The following EHBP1 variants were observed in gnomAD, a reference collection of about 807,000 sequenced individuals.
EHBP1 encodes the protein EH domain-binding protein 1.
In EHBP1, 55 loss-of-function variants were observed where a neutral mutation model predicts 144.0. The ratio of observed to expected loss-of-function variants is 0.38; its 90% CI spans 0.31 to 0.48. The LOEUF is 0.48. Ranked by LOEUF, EHBP1 falls within the 20% of genes least tolerant of loss-of-function variation. The pLI, the probability that EHBP1 is intolerant of heterozygous loss-of-function variation, is 0.98. For missense variants in EHBP1, 1,200 were observed against 1,364.2 expected, an observed-to-expected ratio of 0.88 and a Z score of 1.90; for synonymous variants, 469 against 472.7, an observed-to-expected ratio of 0.99 and a Z score of 0.10.
At chr2:62,811,196 C>T (rs1348512052) in intron 5 of EHBP1, among the ~76,000 whole-genome samples, 2 of 152,142 alleles carry the variant, frequency 1.3e-5, no homozygotes, top group Admixed American at 1.3e-4. Context: ...AACTCTCTTC[C>T]ATCCGACCAT....
chr2:62,727,301 T>C (rs2036914881), intron 2 of EHBP1, among the ~76,000 whole-genome samples: 1 of 152,208 alleles, frequency 6.6e-6, no homozygotes, highest in Non-Finnish European at 1.5e-5. Context: ...TTTTTTTTTT[T>C]TTAAACAGAT....
chr2:62,714,009 ACACATGACTCAAAATATGC>A (rs1378572484), intron 2 of EHBP1, among the ~76,000 whole-genome samples: 8 of 152,186 alleles, frequency 5.3e-5, no homozygotes, highest in African/African-American at 1.9e-4. Context: ...GATTATGTCT[ACACATGACTCAAAATATGC>A]CTCTAGATCA....
At chr2:62,973,133 G>T (rs999032828) in intron 14 of EHBP1, among the ~76,000 whole-genome samples, 2 of 152,118 alleles carry the variant, frequency 1.3e-5, no homozygotes, top group Non-Finnish European at 2.9e-5. Flanking sequence ...GGAGTATTAT[G>T]GGGGGTAGAG....
chr2:63,040,372 A>G (rs1303130690), intron 21 of EHBP1, among the ~76,000 whole-genome samples: 1 of 152,090 alleles, frequency 6.6e-6, no homozygotes, highest in African/African-American at 2.4e-5. Context: ...CCCCAAAACC[A>G]ATGTTATAAC....
chr2:62,917,115 G>A (rs990169714), intron 10 of EHBP1, among the ~76,000 whole-genome samples: 5 of 152,106 alleles, frequency 3.3e-5, no homozygotes, highest in Non-Finnish European at 7.3e-5. Context: ...ATATGATATG[G>A]CCTATTGCTG....
At chr2:62,684,536 A>G (rs1015915553) in intron 1 of EHBP1, among the ~76,000 whole-genome samples, 3 of 152,212 alleles carry the variant, frequency 2.0e-5, no homozygotes, top group Non-Finnish European at 4.4e-5. Flanking sequence ...GAGTTTTAGG[A>G]GCCATGGATT....
intron 5 of EHBP1, among the ~76,000 whole-genome samples, chr2:62,802,356 A>G (rs2044064321): frequency 6.6e-6 from 1 of 151,986 alleles, no homozygotes. Flanking sequence ...GCAGCTAAAC[A>G]CTCTATGATG....
At chr2:62,999,818 G>A (rs1373964651) in intron 19 of EHBP1, among the ~76,000 whole-genome samples, 1 of 151,938 alleles carries the variant, frequency 6.6e-6, no homozygotes, top group Non-Finnish European at 1.5e-5. Context: ...TTTCTTTTGG[G>A]TATATACCGA....
At chr2:62,826,066 T>C in intron 5 of EHBP1, 21 bp from the exon 6 acceptor site, 1 of 1,434,796 alleles carries the variant, frequency 7.0e-7, no homozygotes, top group South Asian at 1.7e-5. Flanking sequence ...TTACATACTT[T>C]TTTTTTCTTT....
At position 62,707,309 on chromosome 2, in the gene EHBP1, G is replaced by A. The variant is rs777166168; in HGVS notation, c.104+14G>A. On this transcript the variant is annotated intron_variant, in intron 2 of 22. Transcript: ENST00000431489. ...TACGAAGAAATGGTAAGATGTACCT[G>A]GAGGTAGATTTTGCTGTGCTGTGGC... 8.1e-6 allele frequency: 13 copies of A among 1,596,644 alleles called. No individual in the cohort carries two copies. In the Admixed American group the frequency reaches 2.2e-4, roughly 27 times the overall value.
chr2:62,858,314 C>G (rs557625289), intron 7 of EHBP1: 1 of 754,060 alleles, frequency 1.3e-6, no homozygotes, highest in African/African-American at 1.7e-5. Flanking sequence ...CCAAACATCT[C>G]CTCTTTGTCT....
At chr2:63,016,068 T>G (rs2060472802) in intron 19 of EHBP1, among the ~76,000 whole-genome samples, 2 of 152,100 alleles carry the variant, frequency 1.3e-5, no homozygotes, top group Non-Finnish European at 2.9e-5. Context: ...CTACTAAAAT[T>G]TATAGAGTAC....
At chr2:63,020,880 G>A (rs771239009) in intron 19 of EHBP1, among the ~76,000 whole-genome samples, 12 of 150,554 alleles carry the variant, frequency 8.0e-5, no homozygotes, top group Non-Finnish European at 1.6e-4. Context: ...GTTTCACCAT[G>A]TTGGCCAGGA....
chr2:62,941,124 TAGAA>T (rs754708100), intron 10 of EHBP1, among the ~76,000 whole-genome samples: 182 of 152,280 alleles, frequency 1.2e-3, no homozygotes, highest in Middle Eastern at 0.01. Context: ...ATTTAAATGA[TAGAA>T]AGTCTAAGAA....
In EHBP1 at chr2:62,925,364, GAAAA is replaced by G. The variant is rs767177649; in HGVS notation, c.1186-17346_1186-17343del. ...AGTTCTAAGGAGAGCAATTAGGCAA[GAAAA>G]AAAAAAAGGCATCCAAATTGGAAAC... is the stretch of plus-strand genomic sequence containing the variant. On this transcript the variant is annotated intron_variant, in intron 10 of 22. Coordinates refer to ENST00000431489, the MANE Select transcript of EHBP1 (RefSeq NM_001142616.3). Among the ~76,000 whole-genome samples the G allele has an allele frequency of 2.2e-5, 3 of 138,660 alleles. No homozygotes were observed. In the East Asian group the frequency reaches 6.2e-4, roughly 29 times the overall value. 91.0% of individuals were successfully genotyped at this position (138,660 alleles called of 152,430 possible). A position where few individuals can be genotyped will look rare whatever the true frequency, so the allele number is the denominator to read the frequency against.
At chr2:62,747,558 T>G (rs988952385) in intron 3 of EHBP1, 106 bp downstream of exon 3, 15 of 861,990 alleles carry the variant, frequency 1.7e-5, no homozygotes, top group Non-Finnish European at 2.7e-5. Context: ...GTTTTGTTTT[T>G]TTTTCTTGAT....
intron 10 of EHBP1, among the ~76,000 whole-genome samples, chr2:62,885,678 A>C (rs1318236356): frequency 6.6e-6 from 1 of 152,230 alleles, no homozygotes; most frequent in Non-Finnish European, 1.5e-5. Flanking sequence ...TTCCATAAAA[A>C]TCATAATATA....
chr2:62,778,696 A>G lies in EHBP1; in HGVS notation c.312+7304A>G, dbSNP rs993239526. On this transcript the variant is annotated intron_variant, in intron 5 of 22. Transcript: ENST00000431489. ...GATGATATAATAGCTCAAATAATAC[A>G]ATGTAAACAATATAAAATCACAATG... is the stretch of plus-strand genomic sequence containing the variant. Among the ~76,000 whole-genome samples the G allele has an allele frequency of 2.6e-5, 4 of 152,222 alleles. No homozygotes were observed. The South Asian group carries it at 8.3e-4, about 31-fold the overall frequency.
intron 10 of EHBP1, among the ~76,000 whole-genome samples, chr2:62,900,229 C>T (rs368561480): frequency 2.0e-5 from 3 of 152,098 alleles, no homozygotes; most frequent in African/African-American, 7.2e-5. Context: ...TAAATATTTA[C>T]TCTAAAATTA....
Sources: allele counts gnomAD v4.1 joint callset (sites outside exome capture counted in the v4.1 genomes callset), GRCh38; gene constraint gnomAD v4.1.1; transcripts MANE v1.5; gene names NCBI Gene and HGNC (gene_info 2026-07-23, HGNC 2026-07-21).